Variants in PRIM2 observed in about 807,000 individuals in gnomAD.
The protein encoded by PRIM2 is DNA primase subunit 2, also known as DNA primase large subunit.
Under a neutral mutation model 67.3 loss-of-function variants are expected in PRIM2, and 39 were observed. That is an observed-to-expected ratio of 0.58 (90% confidence interval 0.45 to 0.76). PRIM2 has a LOEUF of 0.76. PRIM2 is among the 30% of genes least tolerant of loss of function. The probability of loss-of-function intolerance (pLI) is 0.00; values close to 1 mark genes in which losing one functional copy is unlikely to be tolerated. For synonymous variants in PRIM2, 143 were observed against 198.7 expected (o/e 0.72, Z 2.36); for missense variants, 398 against 598.7 (o/e 0.66, Z 3.50).
intron 8 of PRIM2, among the ~76,000 whole-genome samples, chr6:57,527,764 G>T (rs1774790707): frequency 6.6e-6 from 1 of 152,096 alleles, no homozygotes; most frequent in Admixed American, 6.6e-5. Flanking sequence ...AAGTAGCTGT[G>T]ATGTTTATTA....
chr6:57,275,839 A>G, the PRIM2 span, among the ~76,000 whole-genome samples: 1 of 152,174 alleles, frequency 6.6e-6, no homozygotes, highest in South Asian at 2.1e-4. Context: ...CTTCAATCCC[A>G]CCAAACGGGT....
At chr6:57,347,142 A>AT (rs1768704298) in intron 5 of PRIM2, among the ~76,000 whole-genome samples, 2 of 152,172 alleles carry the variant, frequency 1.3e-5, no homozygotes, top group African/African-American at 4.8e-5. Flanking sequence ...TTCCAGGAGA[A>AT]TCCTTCTGTT....
At chr6:57,521,367 G>GTTT (rs1163114437) in intron 8 of PRIM2, among the ~76,000 whole-genome samples, 21,895 of 97,762 alleles carry the variant, frequency 0.22, 3,378 homozygotes, top group East Asian at 0.46. Context: ...TGTGGTTAGG[G>GTTT]TTTTTTTTTT....
rs1303542996 is a variant in PRIM2 at position 57,615,260 on chromosome 6, A to T, written c.1230+8803A>T. 5.3e-3 allele frequency among the ~76,000 whole-genome samples: 806 copies of T among 152,008 alleles called. 6 individuals are homozygous for T. Among genetic ancestry groups the T allele is most frequent in the African/African-American group, 0.019 (776 of 41,420 alleles). On this transcript the variant is annotated intron_variant, in intron 12 of 13. Coordinates refer to ENST00000615550, the MANE Select transcript of PRIM2 (RefSeq NM_000947.5). ...TGGCAAAACCCAGTCTCTACAAAAA[A>T]ATACAAAAATTAGCCAGGCGTCGAG...
chr6:57,439,992 T>C (rs758696720), intron 7 of PRIM2, among the ~76,000 whole-genome samples: 11 of 151,890 alleles, frequency 7.2e-5, no homozygotes, highest in Non-Finnish European at 1.3e-4. Context: ...TAAATAAATA[T>C]TTGTTCGCGT....
intron 10 of PRIM2, among the ~76,000 whole-genome samples, chr6:57,549,140 T>C (rs2127474328): frequency 6.6e-6 from 1 of 152,352 alleles, no homozygotes; most frequent in African/African-American, 2.4e-5. Context: ...TGTTGCTTTC[T>C]CTAGCAGTGT....
intron 7 of PRIM2, among the ~76,000 whole-genome samples, chr6:57,400,114 AT>A (rs1406891364): frequency 6.6e-6 from 1 of 152,286 alleles, no homozygotes; most frequent in African/African-American, 2.4e-5. Flanking sequence ...AAATGTTTGT[AT>A]TGATATGTGT....
intron 7 of PRIM2, among the ~76,000 whole-genome samples, chr6:57,470,112 A>C (rs1370322155): frequency 6.6e-6 from 1 of 152,180 alleles, no homozygotes; most frequent in Non-Finnish European, 1.5e-5. Context: ...TGTTGGATGA[A>C]TTCTGCTTCC....
At chr6:57,456,195 C>T (rs1345157891) in intron 7 of PRIM2, among the ~76,000 whole-genome samples, 1 of 152,148 alleles carries the variant, frequency 6.6e-6, no homozygotes, top group Non-Finnish European at 1.5e-5. Context: ...GTAACCCGAC[C>T]TTTCTCTCTG....
chr6:57,446,310 A>G (rs1772362769), intron 7 of PRIM2, among the ~76,000 whole-genome samples: 1 of 143,158 alleles, frequency 7.0e-6, no homozygotes, highest in Non-Finnish European at 1.5e-5. Flanking sequence ...TTTTAGAAGT[A>G]ATAGAAAACT....
At chr6:57,364,388 G>A (rs1769287105) in intron 5 of PRIM2, among the ~76,000 whole-genome samples, 1 of 152,152 alleles carries the variant, frequency 6.6e-6, no homozygotes, top group Non-Finnish European at 1.5e-5. Context: ...AGGTTTCTGA[G>A]AGTATTACTT....
At chr6:57,423,314 G>A (rs540187679) in intron 7 of PRIM2, among the ~76,000 whole-genome samples, 9 of 152,202 alleles carry the variant, frequency 5.9e-5, no homozygotes, top group African/African-American at 2.2e-4. Flanking sequence ...CTTCAAAGAA[G>A]CATATATATA....
chr6:57,260,708 A>G, the PRIM2 span, among the ~76,000 whole-genome samples: 1 of 152,228 alleles, frequency 6.6e-6, no homozygotes, highest in Non-Finnish European at 1.5e-5. Context: ...TACAATGGAT[A>G]TAAGTAGCCG....
chr6:57,292,066 G>A, the PRIM2 span, among the ~76,000 whole-genome samples: 1 of 152,166 alleles, frequency 6.6e-6, no homozygotes, highest in Non-Finnish European at 1.5e-5. Context: ...GTCCCTGTTT[G>A]CAGATGACAT....
At chr6:57,340,625 A>G (rs1357442127) in intron 5 of PRIM2, among the ~76,000 whole-genome samples, 11 of 151,836 alleles carry the variant, frequency 7.2e-5, no homozygotes, top group African/African-American at 1.5e-4. Flanking sequence ...CAAACACCAC[A>G]TATTCTCACT....
chr6:57,451,779 C>CTTT (rs146616279), intron 7 of PRIM2, among the ~76,000 whole-genome samples: 1 of 134,016 alleles, frequency 7.5e-6, no homozygotes, highest in Non-Finnish European at 1.6e-5. Context: ...CATTTCCTTT[C>CTTT]TTTTTTTTTT....
intron 8 of PRIM2, among the ~76,000 whole-genome samples, chr6:57,520,983 T>C (rs1326497443): frequency 6.6e-5 from 10 of 152,204 alleles, no homozygotes; most frequent in Admixed American, 5.9e-4. Context: ...TTATACTGCA[T>C]GTTGTCTGAT....
At chr6:57,357,359 ACCT>A (rs1449788991) in intron 5 of PRIM2, among the ~76,000 whole-genome samples, 3 of 152,194 alleles carry the variant, frequency 2.0e-5, no homozygotes, top group Non-Finnish European at 4.4e-5. Flanking sequence ...GTAATAAGTT[ACCT>A]CAAGCTCTCA....
chr6:57,530,862 C>T (rs1380032486), intron 8 of PRIM2, among the ~76,000 whole-genome samples: 9 of 152,188 alleles, frequency 5.9e-5, no homozygotes, highest in Admixed American at 3.3e-4. Flanking sequence ...ACCACCATGC[C>T]TGGCCAATTT....
Sources: gnomAD v4.1 joint callset for allele counts (sites outside exome capture counted in the v4.1 genomes callset) on GRCh38, gnomAD v4.1.1 for gene constraint, MANE v1.5 for transcripts, NCBI Gene and HGNC (gene_info 2026-07-23, HGNC 2026-07-21) for gene names.